Variants in LRMDA observed in about 807,000 individuals in gnomAD.
The protein encoded by LRMDA is leucine rich melanocyte differentiation associated.
LRMDA carries 18 observed loss-of-function variants against 29.8 expected under a neutral mutation model. That is an observed-to-expected ratio of 0.60 (90% confidence interval 0.42 to 0.90). The LOEUF (loss-of-function observed/expected upper bound fraction) is 0.90. Ranked by LOEUF, LRMDA falls within the 40% of genes least tolerant of loss-of-function variation. The pLI is 0.00. For missense variants in LRMDA, 273 were observed against 273.9 expected (o/e 1.00, Z 0.02); for synonymous variants, 125 against 109.4 (o/e 1.14, Z -0.89).
chr10:76,482,826 A>G (rs1043251495), intron 6 of LRMDA, among the ~76,000 whole-genome samples: 3 of 151,980 alleles, frequency 2.0e-5, no homozygotes, highest in Non-Finnish European at 4.4e-5. Flanking sequence ...TCCATACAGC[A>G]TGTTGTTCAA....
At chr10:75,999,105 C>T (rs911171371) in intron 2 of LRMDA, among the ~76,000 whole-genome samples, 9 of 152,144 alleles carry the variant, frequency 5.9e-5, no homozygotes, top group East Asian at 1.9e-4. Flanking sequence ...CCCAGAAAGC[C>T]GGGAAATAGC....
intron 2 of LRMDA, among the ~76,000 whole-genome samples, chr10:75,828,574 C>T (rs1366645803): frequency 6.6e-6 from 1 of 152,060 alleles, no homozygotes; most frequent in Non-Finnish European, 1.5e-5. Flanking sequence ...CTTTTGTGGC[C>T]TGGAAGTTGC....
At position 76,540,117 on chromosome 10, in the gene LRMDA, C is replaced by T. The variant is rs113325917; in HGVS notation, c.602-17092C>T. Reference sequence around the variant, plus strand: ...TACATAAAGACACACAGAAGACACACACAACACACATACAAACACCTACAT... The same window carrying T: ...TACATAAAGACACACAGAAGACACATACAACACACATACAAACACCTACAT... On this transcript the variant is annotated intron_variant, in intron 6 of 6. Transcript: ENST00000611255. Among the ~76,000 whole-genome samples, 342 of 151,598 alleles carry T rather than the reference C, an allele frequency of 2.3e-3. 2 individuals are homozygous for T. Among genetic ancestry groups the T allele is most frequent in the Middle Eastern group, 0.01 (3 of 294 alleles).
At chr10:76,078,441 A>G (rs953149413) in intron 5 of LRMDA, among the ~76,000 whole-genome samples, 1 of 152,162 alleles carries the variant, frequency 6.6e-6, no homozygotes, top group Non-Finnish European at 1.5e-5. Context: ...TACTGGAAGG[A>G]GGAGAACCAA....
At chr10:76,517,862 T>C (rs1302724275) in intron 6 of LRMDA, among the ~76,000 whole-genome samples, 1 of 151,154 alleles carries the variant, frequency 6.6e-6, no homozygotes, top group African/African-American at 2.4e-5. Context: ...ATTTGTGATA[T>C]ATTTTCACGA....
chr10:76,035,307 TAAAAA>T (rs1848222073), intron 2 of LRMDA, among the ~76,000 whole-genome samples: 1 of 151,464 alleles, frequency 6.6e-6, no homozygotes, highest in Non-Finnish European at 1.5e-5. Context: ...CAAAAACAAA[TAAAAA>T]GAAATAATAA....
At chr10:75,846,769 T>C (rs1332877217) in intron 2 of LRMDA, among the ~76,000 whole-genome samples, 4 of 152,082 alleles carry the variant, frequency 2.6e-5, no homozygotes, top group Non-Finnish European at 5.9e-5. Context: ...CCATTTATAA[T>C]AGCATCAAAA....
intron 2 of LRMDA, among the ~76,000 whole-genome samples, chr10:75,811,755 G>C (rs1286944806): frequency 1.3e-5 from 2 of 152,192 alleles, no homozygotes; most frequent in East Asian, 3.9e-4. Flanking sequence ...CTAGTCAGTG[G>C]TCCCTCCTTG....
chr10:75,697,299 C>T (rs1267272919), intron 2 of LRMDA, among the ~76,000 whole-genome samples: 4 of 149,944 alleles, frequency 2.7e-5, no homozygotes, highest in Non-Finnish European at 4.4e-5. Flanking sequence ...TGTTGGTTGA[C>T]ATTTCTACTG....
At chr10:76,478,261 A>G (rs571378867) in intron 6 of LRMDA, among the ~76,000 whole-genome samples, 2 of 152,336 alleles carry the variant, frequency 1.3e-5, no homozygotes, top group African/African-American at 4.8e-5. Flanking sequence ...ACTTCTCAAA[A>G]GAAGACATTT....
chr10:75,515,991 G>T (rs1242833296), intron 2 of LRMDA, among the ~76,000 whole-genome samples: 1 of 152,178 alleles, frequency 6.6e-6, no homozygotes, highest in Non-Finnish European at 1.5e-5. Context: ...TGCTGAGAAT[G>T]ATGGTTTCCA....
At chr10:76,142,361 T>A (rs1297284747) in intron 5 of LRMDA, among the ~76,000 whole-genome samples, 1 of 152,152 alleles carries the variant, frequency 6.6e-6, no homozygotes, top group African/African-American at 2.4e-5. Flanking sequence ...TTTTTCTGTG[T>A]GGTCCTCTTC....
intron 2 of LRMDA, among the ~76,000 whole-genome samples, chr10:75,619,988 C>T (rs2132105726): frequency 6.6e-6 from 1 of 152,236 alleles, no homozygotes; most frequent in Middle Eastern, 3.4e-3. Flanking sequence ...AGCATTAGCC[C>T]AGCTTTCCTA....
intron 2 of LRMDA, among the ~76,000 whole-genome samples, chr10:75,651,966 TA>T (rs1052285315): frequency 6.6e-6 from 1 of 152,220 alleles, no homozygotes; most frequent in African/African-American, 2.4e-5. Context: ...CAAGAGCACC[TA>T]CTGTATCAAC....
At chr10:75,612,463 AAAC>A (rs1376330227) in intron 2 of LRMDA, among the ~76,000 whole-genome samples, 2 of 152,180 alleles carry the variant, frequency 1.3e-5, no homozygotes, top group Non-Finnish European at 2.9e-5. Flanking sequence ...ATAAGACATT[AAAC>A]TTTAATTGAT....
chr10:75,875,882 G>C (rs952426058), intron 2 of LRMDA, among the ~76,000 whole-genome samples: 4 of 152,222 alleles, frequency 2.6e-5, no homozygotes, highest in African/African-American at 9.7e-5. Flanking sequence ...GGACCCTGGT[G>C]GTAAAACATG....
intron 2 of LRMDA, among the ~76,000 whole-genome samples, chr10:75,724,322 A>G (rs997424356): frequency 6.6e-6 from 1 of 152,226 alleles, no homozygotes; most frequent in Non-Finnish European, 1.5e-5. Context: ...CCAGCAAAAC[A>G]GGGCTCCCCA....
chr10:76,515,887 C>T (rs772470569), intron 6 of LRMDA, among the ~76,000 whole-genome samples: 10 of 152,074 alleles, frequency 6.6e-5, no homozygotes, highest in Non-Finnish European at 1.0e-4. Flanking sequence ...GGAGCTATCA[C>T]CAAACAGGAG....
At chr10:76,248,652 A>G (rs766773693) in intron 5 of LRMDA, among the ~76,000 whole-genome samples, 7 of 152,240 alleles carry the variant, frequency 4.6e-5, no homozygotes, top group Non-Finnish European at 1.0e-4. Context: ...TGCAGAAAGT[A>G]TGAGTTCAGT....
Sources: allele counts gnomAD v4.1 joint callset (sites outside exome capture counted in the v4.1 genomes callset), GRCh38; gene constraint gnomAD v4.1.1; transcripts MANE v1.5; gene names NCBI Gene and HGNC (gene_info 2026-07-23, HGNC 2026-07-21).